Variants in PTPRQ observed in about 807,000 individuals in gnomAD.
PTPRQ encodes the protein phosphatidylinositol phosphatase PTPRQ.
Under a neutral mutation model 246.0 loss-of-function variants are expected in PTPRQ, and 199 were observed. The ratio of observed to expected loss-of-function variants is 0.81; its 90% CI spans 0.72 to 0.91. The LOEUF is 0.91. Ranked by LOEUF, PTPRQ falls within the 40% of genes least tolerant of loss-of-function variation. The probability of loss-of-function intolerance (pLI) is 0.00; values close to 1 mark genes in which losing one functional copy is unlikely to be tolerated. For synonymous variants in PTPRQ, 869 were observed against 853.2 expected, an observed-to-expected ratio of 1.02 and a Z score of -0.32; for missense variants, 2,624 against 2,528.4, an observed-to-expected ratio of 1.04 and a Z score of -0.81.
intron 7 of PTPRQ, 141 bp downstream of exon 7, chr12:80,468,979 A>T: frequency 8.4e-7 from 1 of 1,192,906 alleles, no homozygotes; most frequent in Non-Finnish European, 1.1e-6. Flanking sequence ...GTCATAAGGA[A>T]GGGGAGGTCC....
chr12:80,448,579 G>C (rs1892631526), intron 3 of PTPRQ, among the ~76,000 whole-genome samples: 1 of 149,340 alleles, frequency 6.7e-6, no homozygotes, highest in Admixed American at 6.8e-5. Context: ...CTGTGTCCAT[G>C]TGTTCTCATT....
At chr12:80,466,608 A>G (rs531762508) in intron 6 of PTPRQ, among the ~76,000 whole-genome samples, 140 of 152,354 alleles carry the variant, frequency 9.2e-4, no homozygotes, top group Non-Finnish European at 1.5e-3. Flanking sequence ...TTTAAACTAT[A>G]CTACAAGGCT....
rs1026819533 is a variant in PTPRQ at position 80,485,409 on chromosome 12, T to C, written c.1359+804T>C. On this transcript the variant is annotated intron_variant, in intron 9 of 44. Coordinates refer to ENST00000644991, the MANE Select transcript of PTPRQ (RefSeq NM_001145026.2). ...CACTGGGCCTTAAAGACAAACACGA[T>C]AGTTATTCAGCACCTGGCGTCTGCT... Among the ~76,000 whole-genome samples, 90 of 152,298 alleles carry C rather than the reference T, an allele frequency of 5.9e-4. 1 individual carries two copies. The highest frequency in any genetic ancestry group is 2.2e-3 in the African/African-American group (90 of 41,574).
intron 39 of PTPRQ, among the ~76,000 whole-genome samples, chr12:80,666,155 A>G (rs1900779834): frequency 6.6e-6 from 1 of 152,082 alleles, no homozygotes; most frequent in African/African-American, 2.4e-5. Context: ...GATGAGATAA[A>G]GAATCAGCCT....
chr12:80,573,808 T>C (rs977512318), intron 25 of PTPRQ, among the ~76,000 whole-genome samples: 1 of 152,204 alleles, frequency 6.6e-6, no homozygotes, highest in Non-Finnish European at 1.5e-5. Flanking sequence ...TTTATATTAA[T>C]TAATGTTCTC....
chr12:80,569,991 A>T (rs766230217), intron 25 of PTPRQ, among the ~76,000 whole-genome samples: 1 of 152,136 alleles, frequency 6.6e-6, no homozygotes, highest in Non-Finnish European at 1.5e-5. Context: ...ATTGATGTGC[A>T]TTTGGGTTGG....
intron 8 of PTPRQ, among the ~76,000 whole-genome samples, chr12:80,473,361 T>C (rs1223023172): frequency 6.6e-6 from 1 of 152,164 alleles, no homozygotes; most frequent in Non-Finnish European, 1.5e-5. Flanking sequence ...CTTCCTTAAA[T>C]CTTAAGTTTT....
chr12:80,518,812 C>T (rs1414125238), intron 17 of PTPRQ, among the ~76,000 whole-genome samples: 1 of 152,034 alleles, frequency 6.6e-6, no homozygotes, highest in Non-Finnish European at 1.5e-5. Flanking sequence ...TTTCTGCGTT[C>T]TCTATTCTGT....
intron 29 of PTPRQ, among the ~76,000 whole-genome samples, 174 bp downstream of exon 29, chr12:80,614,010 TAATAC>T (rs932121213): frequency 1.3e-5 from 2 of 150,740 alleles, no homozygotes; most frequent in African/African-American, 4.8e-5. Flanking sequence ...TTTTCTGCTA[TAATAC>T]AAGTACTATT....
chr12:80,611,058 C>T (rs756266511), intron 28 of PTPRQ, among the ~76,000 whole-genome samples: 4 of 150,448 alleles, frequency 2.7e-5, no homozygotes, highest in African/African-American at 4.8e-5. Flanking sequence ...ATCTGGAATT[C>T]GAAAGTAGAA....
At chr12:80,610,700 C>A in intron 28 of PTPRQ, 75 bp downstream of exon 28, 3 of 1,471,438 alleles carry the variant, frequency 2.0e-6, no homozygotes, top group Admixed American at 2.4e-5. Flanking sequence ...TCATACTCCA[C>A]CAAAAAAGGA....
chr12:80,625,532 C>T (rs1165014872), intron 33 of PTPRQ, among the ~76,000 whole-genome samples: 5 of 151,984 alleles, frequency 3.3e-5, no homozygotes, highest in East Asian at 3.9e-4. Flanking sequence ...CTCTCAGAGA[C>T]GTTATTATTT....
intron 25 of PTPRQ, among the ~76,000 whole-genome samples, chr12:80,573,817 T>C (rs1897214359): frequency 1.3e-5 from 2 of 152,204 alleles, no homozygotes; most frequent in East Asian, 3.8e-4. Context: ...ATTAATGTTC[T>C]CTATTGTTTT....
intron 33 of PTPRQ, 138 bp downstream of exon 33, chr12:80,622,272 A>AT (rs1899024409): frequency 1.3e-6 from 1 of 788,032 alleles, no homozygotes; most frequent in African/African-American, 1.8e-5. Flanking sequence ...CTCTAGTAAT[A>AT]TTTGTGGGTT....
intron 25 of PTPRQ, among the ~76,000 whole-genome samples, chr12:80,550,921 A>G (rs1896456436): frequency 1.3e-5 from 2 of 152,102 alleles, no homozygotes; most frequent in African/African-American, 2.4e-5. Flanking sequence ...AATATCAAAT[A>G]TATTGATAGG....
intron 26 of PTPRQ, 118 bp from the exon 27 acceptor site, chr12:80,604,941 A>C (rs1214683275): frequency 9.4e-7 from 1 of 1,067,398 alleles, no homozygotes; most frequent in Non-Finnish European, 1.2e-6. Context: ...AATATAAATT[A>C]ATGTAAAATT....
At chr12:80,488,403 A>G (rs1369350902) in intron 9 of PTPRQ, among the ~76,000 whole-genome samples, 1 of 152,068 alleles carries the variant, frequency 6.6e-6, no homozygotes, top group Non-Finnish European at 1.5e-5. Flanking sequence ...TGTTATTTAC[A>G]TTATGAAAGT....
intron 17 of PTPRQ, among the ~76,000 whole-genome samples, chr12:80,523,863 T>C (rs2077629858): frequency 6.6e-6 from 1 of 152,226 alleles, no homozygotes; most frequent in South Asian, 2.1e-4. Flanking sequence ...TGGAGAGTTC[T>C]GTAGATGTCT....
At chr12:80,497,632 C>T (rs910543458) in intron 14 of PTPRQ, among the ~76,000 whole-genome samples, 2 of 151,894 alleles carry the variant, frequency 1.3e-5, no homozygotes, top group African/African-American at 4.8e-5. Flanking sequence ...GTTTTAGTTT[C>T]GGTGAAACTA....
Sources: gnomAD v4.1 joint callset for allele counts (sites outside exome capture counted in the v4.1 genomes callset) on GRCh38, gnomAD v4.1.1 for gene constraint, MANE v1.5 for transcripts, NCBI Gene and HGNC (gene_info 2026-07-23, HGNC 2026-07-21) for gene names.